The following CHD9 variants were observed in gnomAD, a reference collection of about 807,000 sequenced individuals.
The protein encoded by CHD9 is chromodomain helicase DNA binding protein 9.
A neutral mutation model predicts 316.1 loss-of-function variants in CHD9; 77 were observed. That is an observed-to-expected ratio of 0.24 (90% CI 0.20 to 0.29). The LOEUF is 0.29. Ranked by LOEUF, CHD9 falls within the 10% of genes least tolerant of loss-of-function variation. The pLI is 1.00. For missense variants in CHD9, 2,763 were observed against 3,438.1 expected (o/e 0.80, Z 4.91); for synonymous variants, 1,129 against 1,158.3 (o/e 0.97, Z 0.51).
intron 1 of CHD9, among the ~76,000 whole-genome samples, chr16:53,090,290 C>T (rs79344171): frequency 0.014 from 2,196 of 152,180 alleles, 55 homozygotes; most frequent in African/African-American, 0.05. Context: ...GCTTCCTGAC[C>T]GAGCCTGGGA....
At chr16:53,086,634 A>T (rs1029733135) in intron 1 of CHD9, among the ~76,000 whole-genome samples, 1 of 152,262 alleles carries the variant, frequency 6.6e-6, no homozygotes, top group African/African-American at 2.4e-5. Flanking sequence ...TGTGAGGTGC[A>T]TATAAGATAT....
intron 20 of CHD9, among the ~76,000 whole-genome samples, chr16:53,264,760 C>T (rs1436774796): frequency 2.0e-5 from 3 of 152,086 alleles, no homozygotes; most frequent in East Asian, 1.9e-4. Flanking sequence ...AGAGCCAATA[C>T]ACTGTAATGT....
chr16:53,212,386 C>T (rs539859898), intron 3 of CHD9, among the ~76,000 whole-genome samples: 5 of 147,726 alleles, frequency 3.4e-5, no homozygotes, highest in Non-Finnish European at 7.4e-5. Flanking sequence ...GCCTGGCTGA[C>T]AGAGCGAGAT....
intron 1 of CHD9, among the ~76,000 whole-genome samples, chr16:53,106,775 A>G (rs1220893146): frequency 6.6e-6 from 1 of 152,168 alleles, no homozygotes; most frequent in Non-Finnish European, 1.5e-5. Flanking sequence ...TTAAAAAAGA[A>G]GGAGGAGGAG....
intron 1 of CHD9, among the ~76,000 whole-genome samples, chr16:53,080,186 G>T (rs1208008965): frequency 6.6e-6 from 1 of 152,216 alleles, no homozygotes; most frequent in African/African-American, 2.4e-5. Flanking sequence ...CCACACATTT[G>T]TTAACAGAAG....
intron 1 of CHD9, among the ~76,000 whole-genome samples, chr16:53,073,407 A>T (rs753514771): frequency 6.6e-6 from 1 of 152,140 alleles, no homozygotes; most frequent in Non-Finnish European, 1.5e-5. Flanking sequence ...GATTGCTTCT[A>T]CCTCTTGACT....
intron 2 of CHD9, among the ~76,000 whole-genome samples, chr16:53,183,850 AT>A (rs1193602097): frequency 1.3e-5 from 2 of 152,212 alleles, no homozygotes; most frequent in Admixed American, 1.3e-4. Context: ...ATGTTTGTTA[AT>A]CTTTCCAAAC....
chr16:53,195,763 CTTT>C (rs553431442), intron 2 of CHD9, among the ~76,000 whole-genome samples: 12 of 125,684 alleles, frequency 9.5e-5, no homozygotes, highest in Admixed American at 1.6e-4. Flanking sequence ...TCAATGTATG[CTTT>C]TTTTTTTTTT....
At chr16:53,081,579 G>A (rs1162527295) in intron 1 of CHD9, among the ~76,000 whole-genome samples, 1 of 152,148 alleles carries the variant, frequency 6.6e-6, no homozygotes, top group Non-Finnish European at 1.5e-5. Flanking sequence ...GCCAACAGCA[G>A]GTCAGCAGGT....
At chr16:53,316,839 G>A (rs1051126417) in intron 36 of CHD9, among the ~76,000 whole-genome samples, 1 of 152,074 alleles carries the variant, frequency 6.6e-6, no homozygotes. Flanking sequence ...TCTCGTGGAT[G>A]AAAAAAGAGT....
intron 1 of CHD9, among the ~76,000 whole-genome samples, chr16:53,137,163 G>T (rs541998307): frequency 6.6e-6 from 1 of 152,028 alleles, no homozygotes; most frequent in South Asian, 2.1e-4. Flanking sequence ...TAGTAGAGAC[G>T]GGGTTTCACC....
intron 2 of CHD9, among the ~76,000 whole-genome samples, chr16:53,202,041 T>G (rs984007064): frequency 5.9e-4 from 90 of 152,130 alleles, no homozygotes; most frequent in African/African-American, 2.0e-3. Context: ...AATTTTTTTT[T>G]TTAAGAGATT....
At chr16:53,065,958 C>T (rs1343450650) in intron 1 of CHD9, among the ~76,000 whole-genome samples, 1 of 152,190 alleles carries the variant, frequency 6.6e-6, no homozygotes, top group East Asian at 1.9e-4. Context: ...TTAAGGACTT[C>T]TGCAAATCAG....
intron 1 of CHD9, among the ~76,000 whole-genome samples, chr16:53,058,666 C>T (rs975893560): frequency 6.6e-6 from 1 of 152,062 alleles, no homozygotes; most frequent in African/African-American, 2.4e-5. Flanking sequence ...CCGATTAGCA[C>T]GGTAATCCTG....
intron 1 of CHD9, among the ~76,000 whole-genome samples, chr16:53,075,664 C>T (rs1019411367): frequency 6.6e-5 from 10 of 152,144 alleles, no homozygotes; most frequent in African/African-American, 1.9e-4. Context: ...GCTGCTGCTA[C>T]ATAAGAAGTG....
chr16:53,086,630 G>A (rs1287024378), intron 1 of CHD9, among the ~76,000 whole-genome samples: 1 of 152,196 alleles, frequency 6.6e-6, no homozygotes, highest in Non-Finnish European at 1.5e-5. Context: ...CATTTGTGAG[G>A]TGCATATAAG....
chr16:53,250,484 A>G (rs2050036509), intron 17 of CHD9: 1 of 154,400 alleles, frequency 6.5e-6, no homozygotes, highest in African/African-American at 2.4e-5. Flanking sequence ...TTATAGTTTA[A>G]AGAATATTAT....
chr16:53,291,320 G>A (rs2054311058), intron 27 of CHD9, among the ~76,000 whole-genome samples: 1 of 152,050 alleles, frequency 6.6e-6, no homozygotes, highest in Admixed American at 6.5e-5. Flanking sequence ...AAGCTAAAAA[G>A]GAAAAGATTT....
chr16:53,233,601 C>CCTT (rs1172869036), intron 10 of CHD9, among the ~76,000 whole-genome samples: 2 of 152,100 alleles, frequency 1.3e-5, no homozygotes, highest in Admixed American at 1.3e-4. Context: ...TTCTCCCCTT[C>CCTT]CTTCCTTCCT....
Sources: allele counts gnomAD v4.1 joint callset (sites outside exome capture counted in the v4.1 genomes callset), GRCh38; gene constraint gnomAD v4.1.1; transcripts MANE v1.5; gene names NCBI Gene and HGNC (gene_info 2026-07-23, HGNC 2026-07-21).